Variants in CACNA2D3 observed in about 807,000 individuals in gnomAD.
The protein encoded by CACNA2D3 is voltage-dependent calcium channel subunit alpha-2/delta-3.
In CACNA2D3, 60 loss-of-function variants were observed where a neutral mutation model predicts 160.6. The ratio of observed to expected loss-of-function variants is 0.37; its 90% CI spans 0.30 to 0.46. The LOEUF is 0.46. CACNA2D3 is among the 20% of genes least tolerant of loss of function. The pLI, the probability that CACNA2D3 is intolerant of heterozygous loss-of-function variation, is 1.00. For synonymous variants in CACNA2D3, 558 were observed against 492.9 expected, an observed-to-expected ratio of 1.13 and a Z score of -1.75; for missense variants, 1,205 against 1,365.0, an observed-to-expected ratio of 0.88 and a Z score of 1.85.
chr3:54,500,395 A>G (rs1033901955), intron 4 of CACNA2D3, among the ~76,000 whole-genome samples: 3 of 152,086 alleles, frequency 2.0e-5, no homozygotes, highest in African/African-American at 4.8e-5. Context: ...TGCTCATTCA[A>G]GGTGATTATT....
intron 3 of CACNA2D3, among the ~76,000 whole-genome samples, chr3:54,368,210 C>T (rs1426607510): frequency 1.3e-5 from 2 of 152,162 alleles, no homozygotes; most frequent in African/African-American, 4.8e-5. Context: ...CCAAGTACTC[C>T]TGTAATCTCA....
chr3:54,534,372 T>C (rs1223392778), intron 5 of CACNA2D3, among the ~76,000 whole-genome samples: 1 of 152,180 alleles, frequency 6.6e-6, no homozygotes, highest in Non-Finnish European at 1.5e-5. Context: ...CTCACAACTG[T>C]AACCTTCTGA....
intron 17 of CACNA2D3, among the ~76,000 whole-genome samples, chr3:54,849,363 A>G (rs907007940): frequency 6.6e-6 from 1 of 152,150 alleles, no homozygotes; most frequent in African/African-American, 2.4e-5. Context: ...TGTTTTGTTC[A>G]CTTATCCCTG....
chr3:55,071,383 G>T (rs1193972674), intron 35 of CACNA2D3, among the ~76,000 whole-genome samples: 2 of 152,076 alleles, frequency 1.3e-5, no homozygotes, highest in East Asian at 1.9e-4. Flanking sequence ...TCTGTAGGGG[G>T]TGTTTAATTT....
intron 2 of CACNA2D3, among the ~76,000 whole-genome samples, chr3:54,233,303 A>G (rs1347191763): frequency 6.6e-6 from 1 of 152,174 alleles, no homozygotes; most frequent in Non-Finnish European, 1.5e-5. Context: ...GAATGAATGA[A>G]TGATAGACAG....
In CACNA2D3 at chr3:54,763,787, ATG is replaced by A. The variant is rs1491101950; in HGVS notation, c.1247-429_1247-428del. Among the ~76,000 whole-genome samples, 242 of 49,112 alleles carry A rather than the reference ATG, an allele frequency of 4.9e-3. 64 individuals are homozygous for A. Among genetic ancestry groups the A allele is most frequent in the Non-Finnish European group, 8.6e-3 (207 of 24,004 alleles). The allele number at this position is 49,112 out of a possible 152,430, so 32.2% of individuals were successfully genotyped here. A position where few individuals can be genotyped will look rare whatever the true frequency, so the allele number is the denominator to read the frequency against. On this transcript the variant is annotated intron_variant, in intron 12 of 37. Coordinates refer to ENST00000474759, the MANE Select transcript of CACNA2D3 (RefSeq NM_018398.3). ...TATATATGTATATATGTACATATAT[ATG>A]TATATATATGTACATATATATACAT...
intron 2 of CACNA2D3, among the ~76,000 whole-genome samples, chr3:54,306,519 T>C (rs1287646919): frequency 1.3e-5 from 2 of 152,228 alleles, no homozygotes; most frequent in Admixed American, 6.5e-5. Context: ...ACTTGGGGTC[T>C]GTAGGGAAAA....
intron 4 of CACNA2D3, among the ~76,000 whole-genome samples, chr3:54,446,669 C>T (rs1700226416): frequency 6.6e-6 from 1 of 152,046 alleles, no homozygotes; most frequent in African/African-American, 2.4e-5. Context: ...TGATGGGATT[C>T]CTAAATGACA....
At chr3:54,357,069 C>G (rs984804149) in intron 3 of CACNA2D3, among the ~76,000 whole-genome samples, 2 of 152,178 alleles carry the variant, frequency 1.3e-5, no homozygotes, top group Admixed American at 6.5e-5. Context: ...TGGCTCCTCC[C>G]TTAGCTTTGG....
chr3:54,558,219 G>C lies in CACNA2D3; in HGVS notation c.545-4581G>C, dbSNP rs561041547. Among the ~76,000 whole-genome samples, 5 of 152,288 alleles carry C rather than the reference G, an allele frequency of 3.3e-5. No homozygotes were observed. In the South Asian group the frequency reaches 8.3e-4, roughly 25 times the overall value. On this transcript the variant is annotated intron_variant, in intron 5 of 37. Transcript: ENST00000474759. The stretch of plus-strand genomic sequence containing the variant: ...CGTCCTCACCCCTCCTGTCTGTATG[G>C]TATTGATGAATCTCTGGAATGAGGA...
chr3:54,480,278 A>T (rs1700912107), intron 4 of CACNA2D3, among the ~76,000 whole-genome samples: 1 of 152,036 alleles, frequency 6.6e-6, no homozygotes, highest in South Asian at 2.1e-4. Flanking sequence ...GACCCTCAGG[A>T]TGTATTTCTT....
At chr3:54,240,162 ACCCAT>A (rs1701949548) in intron 2 of CACNA2D3, among the ~76,000 whole-genome samples, 1 of 152,316 alleles carries the variant, frequency 6.6e-6, no homozygotes, top group South Asian at 2.1e-4. Flanking sequence ...GGAATAGTCA[ACCCAT>A]CAAGACAGGA....
chr3:54,608,371 A>G (rs1334692530), intron 9 of CACNA2D3, among the ~76,000 whole-genome samples: 2 of 152,228 alleles, frequency 1.3e-5, no homozygotes, highest in Non-Finnish European at 2.9e-5. Flanking sequence ...AATAGCAGCT[A>G]ATAATTCCTG....
chr3:55,051,656 T>C (rs932323765), intron 35 of CACNA2D3, among the ~76,000 whole-genome samples: 8 of 152,184 alleles, frequency 5.3e-5, no homozygotes, highest in Admixed American at 2.0e-4. Context: ...CCGGGCTGCT[T>C]TGTTTACCTA....
At chr3:54,165,171 G>A (rs1258433772) in intron 2 of CACNA2D3, among the ~76,000 whole-genome samples, 1 of 75,334 alleles carries the variant, frequency 1.3e-5, no homozygotes, top group East Asian at 4.5e-4. Context: ...GGTCTTTTTT[G>A]ATGGGGACTT....
At chr3:54,944,749 T>A (rs1701568920) in intron 27 of CACNA2D3, among the ~76,000 whole-genome samples, 1 of 152,188 alleles carries the variant, frequency 6.6e-6, no homozygotes, top group Non-Finnish European at 1.5e-5. Context: ...TAGCAGCCTT[T>A]TCTTGTTTCA....
intron 2 of CACNA2D3, among the ~76,000 whole-genome samples, chr3:54,143,317 C>A (rs1214764164): frequency 6.6e-6 from 1 of 152,096 alleles, no homozygotes; most frequent in Non-Finnish European, 1.5e-5. Context: ...TCCTTGTGTT[C>A]ATGTATAAAT....
At chr3:54,840,008 T>C (rs894629492) in intron 16 of CACNA2D3, among the ~76,000 whole-genome samples, 1 of 152,152 alleles carries the variant, frequency 6.6e-6, no homozygotes, top group African/African-American at 2.4e-5. Flanking sequence ...CTAAAGATAG[T>C]GGACTTGACT....
intron 18 of CACNA2D3, chr3:54,875,823 C>T (rs747828452): frequency 2.6e-5 from 4 of 152,192 alleles, no homozygotes; most frequent in Admixed American, 6.5e-5. Flanking sequence ...TGATCACTGT[C>T]GCCAGATGAG....
Sources: allele counts gnomAD v4.1 joint callset (sites outside exome capture counted in the v4.1 genomes callset), GRCh38; gene constraint gnomAD v4.1.1; transcripts MANE v1.5; gene names NCBI Gene and HGNC (gene_info 2026-07-23, HGNC 2026-07-21).